DLG2: variants seen among roughly 807,000 people sequenced by gnomAD.
The protein encoded by DLG2 is disks large homolog 2.
Under a neutral mutation model 132.5 loss-of-function variants are expected in DLG2, and 45 were observed. That is an observed-to-expected ratio of 0.34 (90% CI 0.27 to 0.44). The LOEUF (loss-of-function observed/expected upper bound fraction) is 0.44. DLG2 is among the 20% of genes least tolerant of loss of function. The pLI, the probability that DLG2 is intolerant of heterozygous loss-of-function variation, is 1.00. For synonymous variants in DLG2, 424 were observed against 419.6 expected (o/e 1.01, Z -0.13); for missense variants, 1,045 against 1,196.9 (o/e 0.87, Z 1.87).
intron 7 of DLG2, among the ~76,000 whole-genome samples, chr11:84,356,558 C>A (rs2098613250): frequency 6.6e-6 from 1 of 151,868 alleles, no homozygotes; most frequent in African/African-American, 2.4e-5. Flanking sequence ...TATTCTCTTA[C>A]CTGTAAAATG....
chr11:83,984,201 G>C (rs2093043761), intron 11 of DLG2, among the ~76,000 whole-genome samples: 2 of 24,784 alleles, frequency 8.1e-5, no homozygotes, highest in East Asian at 1.3e-3. Flanking sequence ...ATGATAGATA[G>C]ATAGATAGAT....
In DLG2 at chr11:83,459,763, T is replaced by C; in HGVS notation, c.*55A>G. On this transcript the variant is annotated 3_prime_UTR_variant, in exon 28 of 28. Coordinates refer to ENST00000376104, the MANE Select transcript of DLG2 (RefSeq NM_001142699.3). ...AAAAGCCTCCAAGTAGTATGTTATA[T>C]ATATTTTGTTCTTCTAAATGCTCTT... The C allele has an allele frequency of 2.2e-6, 2 of 926,444 alleles. No individual in the cohort carries two copies. The highest frequency in any genetic ancestry group is 1.8e-5 in the Admixed American group (1 of 55,166). The allele number at this position is 926,444 out of a possible 1,614,324, so 57.4% of individuals were successfully genotyped here. A position where few individuals can be genotyped will look rare whatever the true frequency, so the allele number is the denominator to read the frequency against.
intron 3 of DLG2, among the ~76,000 whole-genome samples, chr11:85,482,551 G>C (rs879906772): frequency 2.6e-5 from 4 of 152,116 alleles, no homozygotes; most frequent in African/African-American, 4.8e-5. Flanking sequence ...ACCCAGGCTA[G>C]GCTTTATGGA....
chr11:84,064,853 A>G (rs2154137145), intron 10 of DLG2, among the ~76,000 whole-genome samples: 1 of 152,270 alleles, frequency 6.6e-6, no homozygotes, highest in South Asian at 2.1e-4. Context: ...ACAGCAAGGT[A>G]CTGGTACAAA....
intron 7 of DLG2, among the ~76,000 whole-genome samples, chr11:84,374,022 CTGCT>C (rs2098719442): frequency 2.0e-5 from 3 of 152,138 alleles, no homozygotes; most frequent in Admixed American, 2.0e-4. Context: ...GAGGTTCCTC[CTGCT>C]TTTTTCACAG....
At chr11:85,545,131 A>T (rs1257757236) in intron 3 of DLG2, among the ~76,000 whole-genome samples, 1 of 152,198 alleles carries the variant, frequency 6.6e-6, no homozygotes, top group Non-Finnish European at 1.5e-5. Context: ...TGGGTTTGTC[A>T]TAAATAGCTC....
At chr11:83,753,784 G>A (rs890433428) in intron 18 of DLG2, among the ~76,000 whole-genome samples, 2 of 117,252 alleles carry the variant, frequency 1.7e-5, no homozygotes, top group Non-Finnish European at 3.3e-5. Flanking sequence ...GCATATATAT[G>A]TCATATATAT....
At chr11:83,782,422 A>G (rs1044459048) in intron 18 of DLG2, among the ~76,000 whole-genome samples, 7 of 152,184 alleles carry the variant, frequency 4.6e-5, no homozygotes, top group Non-Finnish European at 1.0e-4. Flanking sequence ...GCTGTCTAGG[A>G]GCTCACTCGA....
chr11:83,953,363 T>C (rs2085961764), intron 14 of DLG2, among the ~76,000 whole-genome samples: 1 of 152,190 alleles, frequency 6.6e-6, no homozygotes, highest in African/African-American at 2.4e-5. Context: ...GATCAGCCCC[T>C]GGCATTAGAT....
intron 18 of DLG2, among the ~76,000 whole-genome samples, chr11:83,748,609 A>G (rs1261943872): frequency 6.6e-6 from 1 of 152,140 alleles, no homozygotes; most frequent in African/African-American, 2.4e-5. Context: ...AAGAAACATG[A>G]CTCTGCCTGA....
intron 18 of DLG2, among the ~76,000 whole-genome samples, chr11:83,684,780 C>T (rs889502238): frequency 1.3e-5 from 2 of 152,050 alleles, no homozygotes; most frequent in Non-Finnish European, 2.9e-5. Context: ...CCATTTCTTC[C>T]CTGTCCATTT....
In DLG2 at chr11:85,508,401, C is replaced by A. The variant is rs531582898; in HGVS notation, c.40+90256G>T. On this transcript the variant is annotated intron_variant, in intron 3 of 27. Transcript: ENST00000376104. ...TTCCCTCTGCCTGATTAACCCTATACCTCTCTCAAGTCATTCGGCTCTCTA... is the reference window on the plus strand; with the variant it reads ...TTCCCTCTGCCTGATTAACCCTATAACTCTCTCAAGTCATTCGGCTCTCTA... Among the ~76,000 whole-genome samples the A allele has an allele frequency of 7.2e-5, 11 of 152,186 alleles. No homozygotes were observed. The East Asian group carries it at 1.5e-3, about 21-fold the overall frequency.
chr11:83,778,114 A>G (rs1308280563), intron 18 of DLG2, among the ~76,000 whole-genome samples: 1 of 149,848 alleles, frequency 6.7e-6, no homozygotes, highest in Non-Finnish European at 1.5e-5. Context: ...CAGAATATAG[A>G]GTGAAGTCAG....
intron 9 of DLG2, among the ~76,000 whole-genome samples, chr11:84,105,386 C>T (rs537051680): frequency 6.6e-6 from 1 of 152,222 alleles, no homozygotes; most frequent in South Asian, 2.1e-4. Flanking sequence ...ATTCAAATGA[C>T]ACAGGCACCA....
chr11:83,712,246 C>T (rs749966423), intron 18 of DLG2, among the ~76,000 whole-genome samples: 6 of 152,162 alleles, frequency 3.9e-5, no homozygotes, highest in East Asian at 1.9e-4. Flanking sequence ...ATAGTAAAGA[C>T]GTGGAATCAA....
At chr11:84,743,389 AT>A (rs199712723) in intron 6 of DLG2, among the ~76,000 whole-genome samples, 3 of 151,626 alleles carry the variant, frequency 2.0e-5, no homozygotes, top group Admixed American at 6.6e-5. Context: ...TTTAGTAAGA[AT>A]TTTTTTTTGC....
intron 16 of DLG2, among the ~76,000 whole-genome samples, chr11:83,870,220 T>C (rs756660491): frequency 2.0e-5 from 3 of 152,224 alleles, no homozygotes; most frequent in Non-Finnish European, 2.9e-5. Context: ...GCTTTTAGTG[T>C]ATCCATCAAC....
At chr11:84,999,207 G>T (rs1057513114) in intron 6 of DLG2, among the ~76,000 whole-genome samples, 8 of 152,054 alleles carry the variant, frequency 5.3e-5, no homozygotes, top group Non-Finnish European at 8.8e-5. Context: ...GGCCACCTAT[G>T]TGTGTGAAAG....
intron 19 of DLG2, among the ~76,000 whole-genome samples, chr11:83,582,863 G>A (rs2145001402): frequency 6.6e-6 from 1 of 152,326 alleles, no homozygotes; most frequent in East Asian, 1.9e-4. Context: ...TTGGCACAGA[G>A]ATGCATTATT....
Sources: allele counts gnomAD v4.1 joint callset (sites outside exome capture counted in the v4.1 genomes callset), GRCh38; gene constraint gnomAD v4.1.1; transcripts MANE v1.5; gene names NCBI Gene and HGNC (gene_info 2026-07-23, HGNC 2026-07-21).